CCDC7: variants seen among roughly 807,000 people sequenced by gnomAD.
CCDC7 encodes the protein coiled-coil domain-containing protein 7.
CCDC7 carries 183 observed loss-of-function variants against 196.9 expected under a neutral mutation model. The ratio of observed to expected loss-of-function variants is 0.93; its 90% CI spans 0.82 to 1.05. The LOEUF (loss-of-function observed/expected upper bound fraction) is 1.05. Ranked by LOEUF, CCDC7 falls within the 50% of genes least tolerant of loss-of-function variation. The pLI, the probability that CCDC7 is intolerant of heterozygous loss-of-function variation, is 0.00. For missense variants in CCDC7, 1,540 were observed against 1,482.2 expected, an observed-to-expected ratio of 1.04 and a Z score of -0.64; for synonymous variants, 525 against 484.6, an observed-to-expected ratio of 1.08 and a Z score of -1.10.
intron 16 of CCDC7, among the ~76,000 whole-genome samples, chr10:32,572,907 G>A (rs1172197445): frequency 2.6e-5 from 3 of 114,526 alleles, no homozygotes; most frequent in Admixed American, 1.3e-4. Context: ...ATGGAGTCTC[G>A]CTTTTAATTG....
At chr10:32,791,439 A>C (rs113752326) in intron 29 of CCDC7, among the ~76,000 whole-genome samples, 23 of 151,860 alleles carry the variant, frequency 1.5e-4, no homozygotes, top group African/African-American at 5.6e-4. Context: ...GTAACTCACT[A>C]AGATATAAGA....
chr10:32,620,203 A>G (rs996236466), intron 18 of CCDC7, among the ~76,000 whole-genome samples: 1 of 152,058 alleles, frequency 6.6e-6, no homozygotes, highest in Non-Finnish European at 1.5e-5. Context: ...GATTATAGGC[A>G]TGAGCCACTG....
At chr10:32,505,387 C>T (rs142517049) in intron 9 of CCDC7, among the ~76,000 whole-genome samples, 60 of 151,952 alleles carry the variant, frequency 3.9e-4, no homozygotes, top group African/African-American at 1.2e-3. Flanking sequence ...TGACTCTTAA[C>T]GAGCATGCTG....
intron 32 of CCDC7, among the ~76,000 whole-genome samples, chr10:32,828,548 AG>A (rs1223840642): frequency 4.7e-5 from 7 of 149,412 alleles, no homozygotes; most frequent in African/African-American, 1.7e-4. Flanking sequence ...AAGAAGAAGA[AG>A]AAGAAGAAGA....
chr10:32,729,049 A>T, intron 27 of CCDC7, 52 bp downstream of exon 28: 1 of 1,251,482 alleles, frequency 8.0e-7, no homozygotes. Context: ...TGAACTCATC[A>T]GATCTTTTCC....
chr10:32,606,063 C>T (rs1395098089), intron 18 of CCDC7, among the ~76,000 whole-genome samples: 1 of 152,228 alleles, frequency 6.6e-6, no homozygotes, highest in African/African-American at 2.4e-5. Flanking sequence ...CTGCCCTGTG[C>T]AGCCTTTGGA....
chr10:32,599,211 A>G (rs185466748), intron 18 of CCDC7, among the ~76,000 whole-genome samples: 1 of 152,226 alleles, frequency 6.6e-6, no homozygotes, highest in East Asian at 1.9e-4. Flanking sequence ...TTTGTTTGAT[A>G]TTAGTGTAGC....
At position 32,661,887 on chromosome 10, in the gene CCDC7, C is replaced by T. The variant is rs574760732; in HGVS notation, c.2015-2167C>T. Among the ~76,000 whole-genome samples, 21 of 152,234 alleles carry T rather than the reference C, an allele frequency of 1.4e-4. 1 individual carries two copies. The South Asian group carries it at 4.1e-3, about 30-fold the overall frequency. On this transcript the variant is annotated intron_variant, in intron 20 of 41. Coordinates refer to ENST00000639629, the Ensembl canonical transcript of CCDC7. ...CCTTTAGCTGTCCTGGCTGGTGTCTCAGTAGATGCCCCCTAAGTCCACTGG... is the reference window on the plus strand; with the variant it reads ...CCTTTAGCTGTCCTGGCTGGTGTCTTAGTAGATGCCCCCTAAGTCCACTGG...
chr10:32,844,107 G>A (rs1440680935), intron 33 of CCDC7, among the ~76,000 whole-genome samples: 1 of 151,802 alleles, frequency 6.6e-6, no homozygotes, highest in Non-Finnish European at 1.5e-5. Context: ...CAAAATATTA[G>A]GTTCACCAGT....
At chr10:32,811,688 T>C (rs1338931117) in intron 30 of CCDC7, among the ~76,000 whole-genome samples, 1 of 152,016 alleles carries the variant, frequency 6.6e-6, no homozygotes, top group Non-Finnish European at 1.5e-5. Context: ...TCCAAAAAAT[T>C]GAAGAGGACG....
chr10:32,798,803 G>T (rs191880334), intron 29 of CCDC7, among the ~76,000 whole-genome samples: 3 of 152,324 alleles, frequency 2.0e-5, no homozygotes, highest in East Asian at 1.9e-4. Flanking sequence ...GTCCTAGAAA[G>T]GGGCTGTAGT....
chr10:32,814,268 TAA>T, intron 30 of CCDC7, 100 bp from the exon 32 acceptor site: 1 of 848,090 alleles, frequency 1.2e-6, no homozygotes, highest in Non-Finnish European at 1.9e-6. Flanking sequence ...ACAAATATTT[TAA>T]GTTAGTAACA....
At chr10:32,694,905 C>T in exon 24 of CCDC7, 2 of 1,599,520 alleles carry the variant, frequency 1.3e-6, no homozygotes, top group Non-Finnish European at 1.7e-6. Flanking sequence ...AGGCAAAAAT[C>T]TTGTGCTTGA....
At chr10:32,563,189 A>G (rs1173690944) in intron 13 of CCDC7, among the ~76,000 whole-genome samples, 1 of 152,162 alleles carries the variant, frequency 6.6e-6, no homozygotes, top group Non-Finnish European at 1.5e-5. Flanking sequence ...GCTCATGGGT[A>G]GGAAGAATCA....
chr10:32,527,701 A>C (rs2048888663), intron 11 of CCDC7, among the ~76,000 whole-genome samples: 1 of 152,210 alleles, frequency 6.6e-6, no homozygotes, highest in South Asian at 2.1e-4. Context: ...GCGAAGGAGA[A>C]CTGTGGAAGT....
chr10:32,851,744 G>A (rs1245095718), intron 39 of CCDC7, 63 bp from the exon 41 acceptor site: 18 of 1,440,306 alleles, frequency 1.2e-5, no homozygotes, highest in East Asian at 9.2e-5. Flanking sequence ...TACTGTGTGA[G>A]TATTAAAAAT....
chr10:32,874,006 C>T (rs2094518180), intron 41 of CCDC7, among the ~76,000 whole-genome samples: 2 of 151,552 alleles, frequency 1.3e-5, no homozygotes, highest in African/African-American at 4.8e-5. Context: ...GAAAAGTATA[C>T]AATTAATAAT....
chr10:32,643,873 T>C (rs558800730), intron 20 of CCDC7, among the ~76,000 whole-genome samples: 8 of 149,464 alleles, frequency 5.4e-5, no homozygotes, highest in South Asian at 4.2e-4. Context: ...GAAAATTAAT[T>C]TTCAAAATTA....
chr10:32,805,248 G>T, intron 30 of CCDC7, 150 bp downstream of exon 31: 1 of 601,570 alleles, frequency 1.7e-6, no homozygotes, highest in South Asian at 2.1e-5. Flanking sequence ...TTTTACTCTA[G>T]AACATATTTA....
Sources: gnomAD v4.1 joint callset for allele counts (sites outside exome capture counted in the v4.1 genomes callset) on GRCh38, gnomAD v4.1.1 for gene constraint, MANE v1.5 for transcripts, NCBI Gene and HGNC (gene_info 2026-07-23, HGNC 2026-07-21) for gene names.